The following ANKS1B variants were observed in gnomAD, a reference collection of about 807,000 sequenced individuals.
ANKS1B encodes ankyrin repeat and sterile alpha motif domain-containing protein 1B.
ANKS1B carries 36 observed loss-of-function variants against 148.3 expected under a neutral mutation model. The ratio of observed to expected loss-of-function variants is 0.24; its 90% confidence interval spans 0.19 to 0.32. The LOEUF (loss-of-function observed/expected upper bound fraction) is 0.32, where lower values mean the gene tolerates loss of function less well. Among genes scored for constraint, ANKS1B ranks in the 10% least tolerant of loss-of-function variants. ANKS1B has a pLI of 1.00. For missense variants in ANKS1B, 1,157 were observed against 1,542.6 expected (o/e 0.75, Z 4.19); for synonymous variants, 542 against 560.8 (o/e 0.97, Z 0.47).
chr12:99,903,454 C>T (rs1410009372), intron 1 of ANKS1B, among the ~76,000 whole-genome samples: 2 of 152,100 alleles, frequency 1.3e-5, no homozygotes, highest in African/African-American at 2.4e-5. Context: ...GGAGAAATGC[C>T]CTCTGTAATT....
chr12:99,750,045 C>T (rs1045791022), intron 8 of ANKS1B, among the ~76,000 whole-genome samples: 4 of 152,072 alleles, frequency 2.6e-5, no homozygotes, highest in Admixed American at 6.6e-5. Context: ...TAATCAATAA[C>T]ATTCTATCTC....
At position 99,040,273 on chromosome 12, in the gene ANKS1B, TGC is replaced by T. The variant is rs200986867; in HGVS notation, c.2778+12882_2778+12883del. Among the ~76,000 whole-genome samples the T allele has an allele frequency of 3.4e-3, 512 of 151,318 alleles. 14 individuals carry two copies. The East Asian group carries it at 0.069, about 20-fold the overall frequency. ...CTCTTTCTCTCTCTCTATGTGCGTG[TGC>T]GTGTGTGTGTGTGTGTGTGTGTATA... On this transcript the variant is annotated intron_variant, in intron 17 of 26. Transcript: ENST00000683438.
At chr12:99,479,692 A>C (rs2096379593) in intron 10 of ANKS1B, among the ~76,000 whole-genome samples, 1 of 151,936 alleles carries the variant, frequency 6.6e-6, no homozygotes, top group Admixed American at 6.6e-5. Context: ...TCATATAAGC[A>C]GGGAGTAGAA....
chr12:98,935,205 G>T (rs1783753802), intron 17 of ANKS1B, among the ~76,000 whole-genome samples: 1 of 151,992 alleles, frequency 6.6e-6, no homozygotes, highest in Non-Finnish European at 1.5e-5. Flanking sequence ...GTTGAATTTT[G>T]TCAATTGATT....
chr12:99,663,521 G>GA (rs1234634144), intron 8 of ANKS1B, among the ~76,000 whole-genome samples: 1 of 152,124 alleles, frequency 6.6e-6, no homozygotes, highest in African/African-American at 2.4e-5. Flanking sequence ...TAAGTCTGCT[G>GA]AAAAATAAAA....
At chr12:98,905,389 A>T (rs536743244) in intron 17 of ANKS1B, among the ~76,000 whole-genome samples, 91 of 152,220 alleles carry the variant, frequency 6.0e-4, no homozygotes, top group African/African-American at 2.0e-3. Context: ...ACATTGGCTC[A>T]CAAGAGAAAG....
chr12:99,834,092 T>TA (rs1187118009), intron 1 of ANKS1B, among the ~76,000 whole-genome samples: 1 of 152,044 alleles, frequency 6.6e-6, no homozygotes, highest in Non-Finnish European at 1.5e-5. Flanking sequence ...AAATTTAATT[T>TA]AAAAAAGAAA....
chr12:99,230,025 GA>G (rs67244432), intron 14 of ANKS1B, among the ~76,000 whole-genome samples: 103,114 of 151,310 alleles, frequency 0.68, 35,465 homozygotes, highest in Middle Eastern at 0.79. Flanking sequence ...GAAGTCCAAG[GA>G]AAAAAAAAGT....
chr12:99,801,360 G>A (rs762226511), intron 4 of ANKS1B, among the ~76,000 whole-genome samples: 8 of 152,128 alleles, frequency 5.3e-5, no homozygotes, highest in Non-Finnish European at 1.2e-4. Context: ...AAAGACAGTC[G>A]TATCTCAGAG....
At chr12:99,510,793 A>C (rs972547930) in intron 9 of ANKS1B, among the ~76,000 whole-genome samples, 4 of 152,032 alleles carry the variant, frequency 2.6e-5, no homozygotes, top group Non-Finnish European at 4.4e-5. Context: ...TGCTACAAAG[A>C]AATCTTTCAT....
intron 17 of ANKS1B, among the ~76,000 whole-genome samples, chr12:98,941,374 G>A (rs958618897): frequency 2.0e-5 from 3 of 152,122 alleles, no homozygotes; most frequent in Non-Finnish European, 2.9e-5. Context: ...ATATAAATAT[G>A]AAAAATATAG....
chr12:99,388,435 G>A (rs1282224444), intron 12 of ANKS1B, among the ~76,000 whole-genome samples: 4 of 152,152 alleles, frequency 2.6e-5, no homozygotes, highest in African/African-American at 7.2e-5. Flanking sequence ...CCTCTTTATT[G>A]TGTAATCTCA....
chr12:99,523,157 C>T (rs2096891831), intron 9 of ANKS1B, among the ~76,000 whole-genome samples: 1 of 152,196 alleles, frequency 6.6e-6, no homozygotes, highest in African/African-American at 2.4e-5. Flanking sequence ...TCTTAATTGA[C>T]ACTACAGGGG....
intron 15 of ANKS1B, among the ~76,000 whole-genome samples, chr12:99,121,351 G>GTGTGTGTGTGTGTGTGTGTT (rs2062823368): frequency 6.6e-6 from 1 of 151,238 alleles, no homozygotes; most frequent in Admixed American, 6.6e-5. Context: ...GTGTGTGTGT[G>GTGTGTGTGTGTGTGTGTGTT]TGTGTGTATT....
intron 9 of ANKS1B, among the ~76,000 whole-genome samples, chr12:99,539,024 G>A (rs1017147042): frequency 2.6e-5 from 4 of 152,134 alleles, no homozygotes; most frequent in Admixed American, 6.5e-5. Flanking sequence ...TCATTCTGTT[G>A]ATATGATATA....
intron 9 of ANKS1B, among the ~76,000 whole-genome samples, chr12:99,604,552 C>T (rs1014727212): frequency 6.6e-5 from 10 of 151,902 alleles, no homozygotes; most frequent in Non-Finnish European, 1.0e-4. Context: ...GAGTGCCTAA[C>T]GCCTGTAATG....
intron 9 of ANKS1B, among the ~76,000 whole-genome samples, chr12:99,587,176 A>C (rs1021921312): frequency 6.6e-6 from 1 of 152,186 alleles, no homozygotes; most frequent in Non-Finnish European, 1.5e-5. Flanking sequence ...ATAAGAAGAA[A>C]GGTTCCTGCC....
chr12:98,970,130 G>T (rs1305965599), intron 17 of ANKS1B, among the ~76,000 whole-genome samples: 1 of 151,974 alleles, frequency 6.6e-6, no homozygotes, highest in Non-Finnish European at 1.5e-5. Flanking sequence ...TTCAAGACTG[G>T]GCACAACTCT....
At chr12:99,615,923 A>G (rs2097954124) in intron 9 of ANKS1B, among the ~76,000 whole-genome samples, 1 of 152,156 alleles carries the variant, frequency 6.6e-6, no homozygotes, top group Non-Finnish European at 1.5e-5. Flanking sequence ...ACTTAAGCTG[A>G]TAAGCAACTT....
Sources: allele counts gnomAD v4.1 joint callset (sites outside exome capture counted in the v4.1 genomes callset), GRCh38; gene constraint gnomAD v4.1.1; transcripts MANE v1.5; gene names NCBI Gene and HGNC (gene_info 2026-07-23, HGNC 2026-07-21).